LMNB1: variants seen among roughly 807,000 people sequenced by gnomAD.
LMNB1 encodes the protein lamin-B1.
In LMNB1, 23 loss-of-function variants were observed where a neutral mutation model predicts 67.1. That is an observed-to-expected ratio of 0.34 (90% CI 0.25 to 0.49). The LOEUF (loss-of-function observed/expected upper bound fraction) is 0.49. Among genes scored for constraint, LMNB1 ranks in the 20% least tolerant of loss-of-function variants. LMNB1 has a pLI of 0.99. For synonymous variants in LMNB1, 281 were observed against 282.9 expected, an observed-to-expected ratio of 0.99 and a Z score of 0.07; for missense variants, 634 against 746.5, an observed-to-expected ratio of 0.85 and a Z score of 1.76.
At chr5:126,806,779 A>T (rs62391739) in intron 3 of LMNB1, among the ~76,000 whole-genome samples, 4 of 138,226 alleles carry the variant, frequency 2.9e-5, no homozygotes, top group Admixed American at 7.2e-5. Context: ...ATAGGCGTGT[A>T]AATTTTTTTT....
intron 5 of LMNB1, chr5:126,815,094 A>C (rs1751675884): frequency 6.6e-6 from 1 of 152,138 alleles, no homozygotes; most frequent in Non-Finnish European, 1.5e-5. Context: ...TTAGTTGATA[A>C]ATTTTAGCCT....
intron 1 of LMNB1, among the ~76,000 whole-genome samples, chr5:126,787,535 TATATA>T (rs1222361086): frequency 0.16 from 14,881 of 93,808 alleles, 1,481 homozygotes; most frequent in Non-Finnish European, 0.2. Context: ...TATATATATA[TATATA>T]TATATATTTT....
intron 1 of LMNB1, among the ~76,000 whole-genome samples, chr5:126,790,928 A>G (rs1433265375): frequency 6.6e-6 from 1 of 151,948 alleles, no homozygotes. Context: ...GGCCGAGGCA[A>G]GGGAATTGCT....
chr5:126,803,240 T>C (rs1343227783), intron 1 of LMNB1, among the ~76,000 whole-genome samples: 2 of 151,624 alleles, frequency 1.3e-5, no homozygotes, highest in Non-Finnish European at 1.5e-5. Context: ...AACCTCAGCT[T>C]GTTTTTTGTT....
chr5:126,812,856 A>G (rs1006590971), intron 5 of LMNB1, among the ~76,000 whole-genome samples: 4 of 150,462 alleles, frequency 2.7e-5, no homozygotes, highest in Non-Finnish European at 4.4e-5. Flanking sequence ...TCAGCCTCCC[A>G]AGTAGCTGGG....
chr5:126,829,073 C>T (rs371755367), intron 9 of LMNB1, among the ~76,000 whole-genome samples: 5 of 152,096 alleles, frequency 3.3e-5, no homozygotes, highest in African/African-American at 7.2e-5. Flanking sequence ...AAACAATCCC[C>T]GCCATAAAGA....
At chr5:126,793,879 A>AAAAGAAAGAAAGAAAG (rs200364620) in intron 1 of LMNB1, among the ~76,000 whole-genome samples, 40 of 151,732 alleles carry the variant, frequency 2.6e-4, no homozygotes, top group Non-Finnish European at 4.4e-4. Flanking sequence ...TCCATCTCCA[A>AAAAGAAAGAAAGAAAG]AAAGAAAGAA....
intron 9 of LMNB1, among the ~76,000 whole-genome samples, chr5:126,830,256 G>T (rs1227588476): frequency 6.6e-6 from 1 of 152,232 alleles, no homozygotes; most frequent in African/African-American, 2.4e-5. Context: ...GCACAGATCA[G>T]TGCACCTTCA....
rs781533322 is a variant in LMNB1 at position 126,805,558 on chromosome 5, T to G, written c.517-13T>G. 18 of 1,571,864 alleles carry G rather than the reference T, an allele frequency of 1.1e-5. No individual in the cohort carries two copies. In the East Asian group the frequency reaches 2.7e-4, roughly 23 times the overall value. ...CATGTAATTTTTATCACAATTCTTT[T>G]TCCTTGTAATAGTTGGAAGCCTCCT... On this transcript the variant is annotated splice_polypyrimidine_tract_variant and intron_variant, in intron 2 of 10. Transcript: ENST00000261366.
intron 1 of LMNB1, among the ~76,000 whole-genome samples, chr5:126,790,573 T>C (rs750947206): frequency 9.2e-5 from 14 of 152,120 alleles, no homozygotes; most frequent in Non-Finnish European, 1.5e-4. Flanking sequence ...TTTTTCCCAC[T>C]TACTTTTTTG....
At chr5:126,813,871 T>C (rs758202586) in intron 5 of LMNB1, among the ~76,000 whole-genome samples, 2 of 152,222 alleles carry the variant, frequency 1.3e-5, no homozygotes, top group Non-Finnish European at 1.5e-5. Flanking sequence ...ACACACAGAC[T>C]GTATCACTGT....
intron 5 of LMNB1, among the ~76,000 whole-genome samples, chr5:126,817,599 G>C (rs1751745230): frequency 6.6e-6 from 1 of 151,984 alleles, no homozygotes. Context: ...TGACATACCT[G>C]TATCTTTTCT....
At chr5:126,792,506 T>G (rs1750987110) in intron 1 of LMNB1, among the ~76,000 whole-genome samples, 1 of 152,072 alleles carries the variant, frequency 6.6e-6, no homozygotes, top group Admixed American at 6.6e-5. Context: ...GCTAAGTTAA[T>G]TTCTTTTTCT....
intron 1 of LMNB1, among the ~76,000 whole-genome samples, chr5:126,801,501 G>GTA (rs773846808): frequency 6.6e-6 from 1 of 152,110 alleles, no homozygotes; most frequent in Non-Finnish European, 1.5e-5. Flanking sequence ...TCATCTGGAT[G>GTA]TACTGCCTTG....
chr5:126,813,109 T>C (rs1389426080), intron 5 of LMNB1, among the ~76,000 whole-genome samples: 1 of 152,240 alleles, frequency 6.6e-6, no homozygotes, highest in African/African-American at 2.4e-5. Flanking sequence ...ATTATAAAAC[T>C]GATGACCTCT....
Position 126,811,865 on chromosome 5 carries a change from C to A in LMNB1, c.906C>A (p.Ser302Arg). ...ELMESRMRIE[S>R]LSSQLSNLQK... ...TGGAAAGCCGCATGAGAATTGAGAG[C>A]CTTTCATCCCAGCTTTCTAATCTAC... is the stretch of plus-strand genomic sequence containing the variant. Residue 302 changes from serine (S) to arginine (R), a missense_variant, in exon 5 of 11, where the codon AGC becomes AGA. Ser to Arg is a moderately radical substitution (Grantham distance 110). Coordinates refer to ENST00000261366, the MANE Select transcript of LMNB1 (RefSeq NM_005573.4). The A allele has an allele frequency of 6.2e-7, 1 of 1,612,450 alleles. No homozygotes were observed. Among genetic ancestry groups the A allele is most frequent in the Non-Finnish European group, 8.5e-7 (1 of 1,178,642 alleles).
At chr5:126,779,303 T>C (rs7714589) in intron 1 of LMNB1, among the ~76,000 whole-genome samples, 12,053 of 152,304 alleles carry the variant, frequency 0.079, 557 homozygotes, top group Non-Finnish European at 0.11. Flanking sequence ...CATTTATCCC[T>C]TTTTGTTTTT....
At chr5:126,798,557 G>A (rs1751171044) in intron 1 of LMNB1, among the ~76,000 whole-genome samples, 1 of 152,186 alleles carries the variant, frequency 6.6e-6, no homozygotes, top group Admixed American at 6.5e-5. Context: ...CATTCAGCCT[G>A]GGAAATTGGT....
At chr5:126,795,594 C>A (rs1377611595) in intron 1 of LMNB1, among the ~76,000 whole-genome samples, 1 of 151,994 alleles carries the variant, frequency 6.6e-6, no homozygotes, top group African/African-American at 2.4e-5. Context: ...CATTTTCCAG[C>A]GATTCTGTGA....
Sources: allele counts gnomAD v4.1 joint callset (sites outside exome capture counted in the v4.1 genomes callset), GRCh38; gene constraint gnomAD v4.1.1; transcripts MANE v1.5; gene names NCBI Gene and HGNC (gene_info 2026-07-23, HGNC 2026-07-21).